KCNK7: variants seen among roughly 807,000 people sequenced by gnomAD.
KCNK7 encodes the protein potassium two pore domain channel subfamily K member 7.
Under a neutral mutation model 18.1 loss-of-function variants are expected in KCNK7, and 14 were observed. The ratio of observed to expected loss-of-function variants is 0.77; its 90% CI spans 0.51 to 1.21. The LOEUF (loss-of-function observed/expected upper bound fraction) is 1.21. Among genes scored for constraint, KCNK7 ranks in the 50% most tolerant of loss-of-function variants. The pLI is 0.00. For synonymous variants in KCNK7, 188 were observed against 184.7 expected, an observed-to-expected ratio of 1.02 and a Z score of -0.15; for missense variants, 385 against 387.3, an observed-to-expected ratio of 0.99 and a Z score of 0.05.
At position 65,593,272 on chromosome 11, in the gene KCNK7, C is replaced by A. The variant is rs1858459685; in HGVS notation, c.719-62G>T. The A allele has an allele frequency of 3.7e-6, 6 of 1,613,478 alleles. No individual in the cohort carries two copies. The South Asian group carries it at 5.5e-5, about 15-fold the overall frequency. On this transcript the variant is annotated intron_variant, in intron 2 of 2. Transcript: ENST00000340313. The stretch of plus-strand genomic sequence containing the variant: ...CTGGTGATGCTCCCCGCCCACCTCC[C>A]AGCGCAGTGACTTGCCCTGGCAACT...
Position 65,593,022 on chromosome 11 carries a change from G to T in KCNK7, c.907C>A (p.Gln303Lys), listed in dbSNP as rs200489645. The T allele has an allele frequency of 1.9e-6, 3 of 1,613,258 alleles. No individual in the cohort carries two copies. Among genetic ancestry groups the T allele is most frequent in the Admixed American group, 1.7e-5 (1 of 60,008 alleles). ...CTGACGCTTCAGCAAGCAGGGGCTT[G>T]TCCTGAAGCTGGGGCCGCGGGCGGC... ...TLPPAAPASG[Q>K]APAC The change falls in exon 3 of 3, where the codon CAA becomes AAA. Residue 303 changes from glutamine (Q) to lysine (K), a missense_variant. Physicochemically the swap from Gln to Lys is moderately conservative, Grantham distance 53. Transcript: ENST00000340313.
At chr11:65,594,528 C>T (rs1007206764) in intron 1 of KCNK7, among the ~76,000 whole-genome samples, 1 of 152,286 alleles carries the variant, frequency 6.6e-6, no homozygotes, top group Admixed American at 6.5e-5. Flanking sequence ...TGTTGCCTTG[C>T]AGGGATTCTG....
rs145230300 is a variant in KCNK7, at chr11:65,593,372, A to G, written c.718+104T>C. 2.6e-4 allele frequency: 422 copies of G among 1,613,806 alleles called. 3 individuals are homozygous for G. The African/African-American group carries it at 5.1e-3, about 20-fold the overall frequency. On this transcript the variant is annotated intron_variant, in intron 2 of 2. Transcript: ENST00000340313. Reference sequence around the variant, plus strand: ...CCCTCCCACGCCGTGCCCTGGAGTGAGGTCCCTCCACCTGCAAGGCCCAGC... The same window carrying G: ...CCCTCCCACGCCGTGCCCTGGAGTGGGGTCCCTCCACCTGCAAGGCCCAGC...
At position 65,595,524 on chromosome 11, in the gene KCNK7, G is replaced by A; in HGVS notation, c.249C>T (p.Asn83=). ...TQAHGVSTLG[N]SSEGRTWDLP... Reference sequence around the variant, plus strand: ...GGTCCCAGGTCCTGCCCTCTGAGCTGTTGCCCAGGGTGGAGACCCCATGGG... The same window carrying A: ...GGTCCCAGGTCCTGCCCTCTGAGCTATTGCCCAGGGTGGAGACCCCATGGG... Residue 83 remains asparagine, a synonymous_variant, in exon 1 of 3, where the codon AAC becomes AAT. Transcript: ENST00000340313. The A allele has an allele frequency of 1.3e-6, 2 of 1,554,856 alleles. No homozygotes were observed. Among genetic ancestry groups the A allele is most frequent in the Non-Finnish European group, 1.8e-6 (2 of 1,142,420 alleles).
At chr11:65,594,611 T>A (rs548231459) in intron 1 of KCNK7, among the ~76,000 whole-genome samples, 17 of 152,322 alleles carry the variant, frequency 1.1e-4, no homozygotes, top group Non-Finnish European at 1.8e-4. Flanking sequence ...GGCTCACACC[T>A]GTAATCCCAA....
intron 1 of KCNK7, among the ~76,000 whole-genome samples, chr11:65,594,941 C>T (rs922882903): frequency 4.6e-5 from 7 of 152,178 alleles, no homozygotes; most frequent in Middle Eastern, 3.4e-3. Context: ...GCAAAAAATA[C>T]GAAAACCCAG....
chr11:65,594,586 T>A (rs546179543), intron 1 of KCNK7, among the ~76,000 whole-genome samples: 5 of 152,180 alleles, frequency 3.3e-5, no homozygotes, highest in Non-Finnish European at 7.3e-5. Flanking sequence ...GTTGGAAATA[T>A]GAGCTGGGCA....
chr11:65,595,773 G>T lies in KCNK7; in HGVS notation c.-1C>A, dbSNP rs546530243. ...GGGACCAGGGCCTTAGACCCCCCAT[G>T]GCAGGCCGCTGGGGTGCTGTGGGAA... On this transcript the variant is annotated 5_prime_UTR_variant, in exon 1 of 3. Coordinates refer to ENST00000340313, the MANE Select transcript of KCNK7 (RefSeq NM_033347.2). 7 of 1,508,068 alleles carry T rather than the reference G, an allele frequency of 4.6e-6. No individual in the cohort carries two copies. Among genetic ancestry groups the T allele is most frequent in the Admixed American group, 4.2e-5 (2 of 47,472 alleles). 93.4% of individuals were successfully genotyped at this position (1,508,068 alleles called of 1,614,324 possible).
In KCNK7 at chr11:65,592,955, C is replaced by T; in HGVS notation, c.*50G>A. ...CTTCCCCAGCCACTCCTGGCTGCTT[C>T]CTCCTCAGGTGCCGCCACCTTACGG... is the stretch of plus-strand genomic sequence containing the variant. On this transcript the variant is annotated 3_prime_UTR_variant, in exon 3 of 3. Transcript: ENST00000340313. 4 of 1,578,640 alleles carry T rather than the reference C, an allele frequency of 2.5e-6. No individual in the cohort carries two copies. The highest frequency in any genetic ancestry group is 3.4e-6 in the Non-Finnish European group (4 of 1,163,112).
rs1858431573 is a variant in KCNK7 at position 65,592,948 on chromosome 11, G to A, written c.*57C>T. The A allele has an allele frequency of 6.4e-7, 1 of 1,566,868 alleles. No homozygotes were observed. Among genetic ancestry groups the A allele is most frequent in the Middle Eastern group, 2.1e-4 (1 of 4,796 alleles). On this transcript the variant is annotated 3_prime_UTR_variant, in exon 3 of 3. Transcript: ENST00000340313. ...CCAGATTCTTCCCCAGCCACTCCTG[G>A]CTGCTTCCTCCTCAGGTGCCGCCAC... is the stretch of plus-strand genomic sequence containing the variant.
chr11:65,594,968 GC>G (rs1467586569), intron 1 of KCNK7, among the ~76,000 whole-genome samples: 1 of 152,126 alleles, frequency 6.6e-6, no homozygotes, highest in Non-Finnish European at 1.5e-5. Flanking sequence ...GGGTCTCATT[GC>G]TGCTTTTCCC....
Position 65,593,729 on chromosome 11 carries a change from T to C in KCNK7, c.465A>G (p.Val155=). 6.2e-7 allele frequency: 1 copy of C among 1,610,698 alleles called. No individual in the cohort carries two copies. The highest frequency in any genetic ancestry group is 8.5e-7 in the Non-Finnish European group (1 of 1,179,484). Residue 155 remains valine, a synonymous_variant, in exon 2 of 3, where the codon GTA becomes GTG. Transcript: ENST00000340313. ...LPVLSRPRAW[V]AVHWQLSPAR... ...CCGGTGACAGCTGCCAGTGGACCGC[T>C]ACCCAGGCACGTGGGCGGCTGAGCA...
rs1271559049 is a variant in KCNK7, at chr11:65,593,714, C to A, written c.480G>T (p.Gln160His). The A allele has an allele frequency of 1.2e-6, 2 of 1,609,454 alleles. No homozygotes were observed. Among genetic ancestry groups the A allele is most frequent in the South Asian group, 2.2e-5 (2 of 91,020 alleles). ...GCAGCGCAGCCCTGGCCGGTGACAG[C>A]TGCCAGTGGACCGCTACCCAGGCAC... ...RPRAWVAVHWQLSPARAALLQ... is the reference protein window; with the variant it reads ...RPRAWVAVHWHLSPARAALLQ... The change falls in exon 2 of 3, where the codon CAG becomes CAT. Residue 160 changes from glutamine (Q) to histidine (H), a missense_variant. Coordinates refer to ENST00000340313, the MANE Select transcript of KCNK7 (RefSeq NM_033347.2).
At chr11:65,593,340 C>G in intron 2 of KCNK7, 130 bp from the exon 3 acceptor site, 1 of 1,613,984 alleles carries the variant, frequency 6.2e-7, no homozygotes, top group Non-Finnish European at 8.5e-7. Flanking sequence ...CAGAGCTCTT[C>G]GACTACCCCT....
rs1467302466 is a variant in KCNK7, at chr11:65,593,078, A to G, written c.851T>C (p.Leu284Pro). 1.2e-6 allele frequency: 2 copies of G among 1,613,650 alleles called. No individual in the cohort carries two copies. The highest frequency in any genetic ancestry group is 1.1e-5 in the South Asian group (1 of 91,040). The change falls in exon 3 of 3, where the codon CTA becomes CCA. Residue 284 changes from leucine (L) to proline (P), a missense_variant. Physicochemically the swap from Leu to Pro is moderately conservative, Grantham distance 98. Transcript: ENST00000340313. ...GCTCAGAGCCAGTTCATCCTGCCCT[A>G]GGATGCCACCTTGGTCCTCAGCAGT... ...PVTAEDQGGI[L>P]GQDELALSTL... is the part of the protein sequence containing the mutation.
rs1272925463 is a variant in KCNK7 at position 65,595,735 on chromosome 11, A to G, written c.38T>C (p.Leu13Pro). Reference protein sequence around the residue: ...GLRPWSRYGLLVVAHLLALGL... With the variant: ...GLRPWSRYGLPVVAHLLALGL... The stretch of plus-strand genomic sequence containing the variant: ...CAGGGCCAGCAAGTGGGCCACAACC[A>G]GGAGCCCGTATCGGGACCAGGGCCT... The change falls in exon 1 of 3, where the codon CTG (leucine) becomes CCG (proline). Residue 13 changes from leucine (L) to proline (P), a missense_variant. Transcript: ENST00000340313. 2 of 1,577,522 alleles carry G rather than the reference A, an allele frequency of 1.3e-6. No homozygotes were observed. The highest frequency in any genetic ancestry group is 2.7e-5 in the African/African-American group (2 of 74,346).
At chr11:65,595,339 T>C in intron 1 of KCNK7, 115 bp downstream of exon 1, 1 of 953,148 alleles carries the variant, frequency 1.0e-6, no homozygotes, top group South Asian at 3.4e-5. Flanking sequence ...TCACAGGGCC[T>C]GGGCTCCATC....
At chr11:65,594,892 A>T (rs1378066217) in intron 1 of KCNK7, among the ~76,000 whole-genome samples, 4 of 152,054 alleles carry the variant, frequency 2.6e-5, no homozygotes, top group Admixed American at 6.5e-5. Flanking sequence ...AGTTGGAAAT[A>T]CAAATTCCAA....
In KCNK7 at chr11:65,595,564, G is replaced by A; in HGVS notation, c.209C>T (p.Ala70Val). The change falls in exon 1 of 3, where the codon GCC (alanine) becomes GTC (valine). Residue 70 changes from alanine (A) to valine (V), a missense_variant. By Grantham distance (64) the Ala-to-Val change is moderately conservative. Coordinates refer to ENST00000340313, the MANE Select transcript of KCNK7 (RefSeq NM_033347.2). ...GACCCCATGGGCCTGGGTGGCCAGG[G>A]CAGTGCCCAGCAGCTCTTCCAGAGC... ...PGALEELLGTALATQAHGVST... is the reference protein window; with the variant it reads ...PGALEELLGTVLATQAHGVST... 1 of 1,588,378 alleles carries A rather than the reference G, an allele frequency of 6.3e-7. No individual in the cohort carries two copies. Among genetic ancestry groups the A allele is most frequent in the Non-Finnish European group, 8.6e-7 (1 of 1,162,940 alleles).
Sources: allele counts gnomAD v4.1 joint callset (sites outside exome capture counted in the v4.1 genomes callset), GRCh38; gene constraint gnomAD v4.1.1; transcripts MANE v1.5; gene names NCBI Gene and HGNC (gene_info 2026-07-23, HGNC 2026-07-21).